Variants in FHIT observed in about 807,000 individuals in gnomAD.
FHIT encodes the protein fragile histidine triad diadenosine triphosphatase, also known as bis(5'-adenosyl)-triphosphatase.
In FHIT, 19 loss-of-function variants were observed where a neutral mutation model predicts 17.9. The observed-to-expected ratio is 1.06, with a 90% CI of 0.74 to 1.56. The LOEUF is 1.56. Among genes scored for constraint, FHIT ranks in the 40% most tolerant of loss-of-function variants. The pLI, the probability that FHIT is intolerant of heterozygous loss-of-function variation, is 0.00. For missense variants in FHIT, 248 were observed against 189.2 expected (o/e 1.31, Z -1.82); for synonymous variants, 81 against 69.7 (o/e 1.16, Z -0.81).
rs367659931 is a variant in FHIT at position 60,777,199 on chromosome 3, T to C, written c.-18+44720A>G. Among the ~76,000 whole-genome samples, 65 of 152,312 alleles carry C rather than the reference T, an allele frequency of 4.3e-4. 1 individual carries two copies. Among genetic ancestry groups the C allele is most frequent in the African/African-American group, 1.5e-3 (61 of 41,564 alleles). Reference sequence around the variant, plus strand: ...ATTGTGAGCCACATATGAGTGACCATGGCCCGTGACACAGCCCTCAGAAGG... The same window carrying C: ...ATTGTGAGCCACATATGAGTGACCACGGCCCGTGACACAGCCCTCAGAAGG... On this transcript the variant is annotated intron_variant, in intron 4 of 9. Transcript: ENST00000492590.
intron 5 of FHIT, among the ~76,000 whole-genome samples, chr3:60,184,713 G>A (rs577875437): frequency 1.4e-4 from 21 of 152,286 alleles, no homozygotes; most frequent in Admixed American, 1.4e-3. Flanking sequence ...CATTTAAGAT[G>A]TGAGAGCTAG....
intron 7 of FHIT, among the ~76,000 whole-genome samples, chr3:59,980,105 C>T (rs1384946921): frequency 1.3e-5 from 2 of 152,166 alleles, no homozygotes; most frequent in Non-Finnish European, 2.9e-5. Flanking sequence ...GCTTACATTG[C>T]TCTTTTCCCC....
intron 5 of FHIT, among the ~76,000 whole-genome samples, chr3:60,329,740 T>C (rs141512922): frequency 4.5e-4 from 69 of 152,336 alleles, no homozygotes; most frequent in African/African-American, 1.6e-3. Context: ...GGTAGCTTGC[T>C]CTTACCTCTA....
intron 5 of FHIT, among the ~76,000 whole-genome samples, chr3:60,360,159 T>C (rs946325109): frequency 1.3e-5 from 2 of 152,004 alleles, no homozygotes; most frequent in African/African-American, 4.8e-5. Context: ...AATCTTAATA[T>C]TTATGACCAC....
intron 5 of FHIT, among the ~76,000 whole-genome samples, chr3:60,284,630 T>A (rs1166634848): frequency 6.6e-6 from 1 of 152,108 alleles, no homozygotes; most frequent in African/African-American, 2.4e-5. Context: ...ACACCCATTG[T>A]TTCTGAGTAA....
chr3:60,394,717 A>G (rs566805925), intron 5 of FHIT, among the ~76,000 whole-genome samples: 1 of 152,290 alleles, frequency 6.6e-6, no homozygotes, highest in African/African-American at 2.4e-5. Context: ...TACATATTAT[A>G]TATGTTTAGA....
chr3:60,951,250 A>G (rs1553777184), intron 3 of FHIT, among the ~76,000 whole-genome samples: 1 of 152,216 alleles, frequency 6.6e-6, no homozygotes, highest in Non-Finnish European at 1.5e-5. Context: ...GTCTCAAATC[A>G]TCCAAGGAAC....
At chr3:60,774,277 T>G (rs910025971) in intron 4 of FHIT, among the ~76,000 whole-genome samples, 11 of 152,258 alleles carry the variant, frequency 7.2e-5, no homozygotes, top group Admixed American at 6.5e-4. Flanking sequence ...TTTCCCTATA[T>G]ATACATATTT....
intron 1 of FHIT, among the ~76,000 whole-genome samples, chr3:61,207,382 T>C (rs974465227): frequency 2.1e-4 from 32 of 152,230 alleles, no homozygotes; most frequent in African/African-American, 7.5e-4. Context: ...TGGAATAGTT[T>C]CAGAAGAACT....
chr3:60,540,332 G>C (rs1003776659), intron 4 of FHIT, among the ~76,000 whole-genome samples: 4 of 152,148 alleles, frequency 2.6e-5, no homozygotes, highest in Non-Finnish European at 4.4e-5. Flanking sequence ...AATTCTTTGA[G>C]TTGTTCAAGC....
At chr3:59,868,036 T>TTG (rs1702734985) in intron 8 of FHIT, among the ~76,000 whole-genome samples, 1 of 140,874 alleles carries the variant, frequency 7.1e-6, no homozygotes, top group South Asian at 2.2e-4. Flanking sequence ...GTGGAAATGT[T>TTG]TTTTTTTTTT....
intron 8 of FHIT, among the ~76,000 whole-genome samples, chr3:59,852,153 C>T (rs758841684): frequency 1.3e-5 from 2 of 152,192 alleles, no homozygotes; most frequent in Non-Finnish European, 2.9e-5. Flanking sequence ...CATTCCATCT[C>T]CTTAGGTAAA....
intron 3 of FHIT, among the ~76,000 whole-genome samples, chr3:60,994,388 T>A (rs189915540): frequency 1.3e-5 from 2 of 152,284 alleles, no homozygotes; most frequent in Admixed American, 1.3e-4. Context: ...TAGTTATACT[T>A]CAATTTTCCT....
At chr3:60,309,489 T>C (rs1197380419) in intron 5 of FHIT, among the ~76,000 whole-genome samples, 2 of 152,196 alleles carry the variant, frequency 1.3e-5, no homozygotes, top group African/African-American at 2.4e-5. Flanking sequence ...ACAAAACTTT[T>C]TGTTTAAGCC....
chr3:60,071,631 C>A (rs1702775649), intron 5 of FHIT, among the ~76,000 whole-genome samples: 2 of 152,144 alleles, frequency 1.3e-5, no homozygotes, highest in South Asian at 2.1e-4. Context: ...TGACCTGCAG[C>A]AAAGTTAGCC....
chr3:59,978,052 G>A (rs1159613569), intron 7 of FHIT, among the ~76,000 whole-genome samples: 1 of 152,076 alleles, frequency 6.6e-6, no homozygotes, highest in Non-Finnish European at 1.5e-5. Context: ...GCTATGTATG[G>A]GCTGTCATGT....
intron 4 of FHIT, among the ~76,000 whole-genome samples, chr3:60,541,273 T>C (rs1016565635): frequency 2.0e-5 from 3 of 152,254 alleles, no homozygotes; most frequent in Non-Finnish European, 4.4e-5. Context: ...ACAAGTATCA[T>C]GCAAGTGGCA....
At chr3:59,952,622 T>A (rs949012112) in intron 7 of FHIT, among the ~76,000 whole-genome samples, 1 of 152,130 alleles carries the variant, frequency 6.6e-6, no homozygotes, top group Non-Finnish European at 1.5e-5. Context: ...CATTATAGGG[T>A]ATTAAGCTCT....
chr3:59,978,937 G>C (rs984655303), intron 7 of FHIT, among the ~76,000 whole-genome samples: 1 of 151,918 alleles, frequency 6.6e-6, no homozygotes, highest in Non-Finnish European at 1.5e-5. Context: ...CAAATTATGG[G>C]GGGCAAGGGT....
Sources: allele counts gnomAD v4.1 joint callset (sites outside exome capture counted in the v4.1 genomes callset), GRCh38; gene constraint gnomAD v4.1.1; transcripts MANE v1.5; gene names NCBI Gene and HGNC (gene_info 2026-07-23, HGNC 2026-07-21).